Variants in FHIT observed in about 807,000 individuals in gnomAD.
The protein encoded by FHIT is bis(5'-adenosyl)-triphosphatase.
In FHIT, 19 loss-of-function variants were observed where a neutral mutation model predicts 17.9. The ratio of observed to expected loss-of-function variants is 1.06; its 90% CI spans 0.74 to 1.56. The LOEUF (loss-of-function observed/expected upper bound fraction) is 1.56, where lower values mean the gene tolerates loss of function less well. Among genes scored for constraint, FHIT ranks in the 40% most tolerant of loss-of-function variants. FHIT has a pLI of 0.00. For synonymous variants in FHIT, 81 were observed against 69.7 expected (o/e 1.16, Z -0.81); for missense variants, 248 against 189.2 (o/e 1.31, Z -1.82).
intron 5 of FHIT, among the ~76,000 whole-genome samples, chr3:60,440,280 C>A (rs2030677577): frequency 6.6e-6 from 1 of 152,058 alleles, no homozygotes; most frequent in Non-Finnish European, 1.5e-5. Context: ...TTCTCCCAAT[C>A]AGGGAAATTG....
At chr3:60,340,097 G>T (rs1365089486) in intron 5 of FHIT, among the ~76,000 whole-genome samples, 2 of 151,884 alleles carry the variant, frequency 1.3e-5, no homozygotes, top group Non-Finnish European at 2.9e-5. Context: ...TTTCTTCTCT[G>T]AACTCAGTTG....
At chr3:61,160,623 C>T (rs1452829364) in intron 2 of FHIT, among the ~76,000 whole-genome samples, 1 of 151,712 alleles carries the variant, frequency 6.6e-6, no homozygotes, top group Non-Finnish European at 1.5e-5. Flanking sequence ...GTCATGTCCT[C>T]TCATTATTTG....
chr3:60,226,493 A>AAAAAAAAAAACC (rs200934161), intron 5 of FHIT, among the ~76,000 whole-genome samples: 13 of 147,058 alleles, frequency 8.8e-5, no homozygotes, highest in African/African-American at 3.4e-4. Flanking sequence ...AAAAAAAAAA[A>AAAAAAAAAAACC]ACACTGCCTG....
chr3:61,231,723 A>G (rs1389051027), intron 1 of FHIT, among the ~76,000 whole-genome samples: 1 of 152,212 alleles, frequency 6.6e-6, no homozygotes, highest in East Asian at 1.9e-4. Flanking sequence ...TTCCCTTCAC[A>G]GAGAGTAACA....
At chr3:60,873,542 T>C (rs567274364) in intron 3 of FHIT, among the ~76,000 whole-genome samples, 1 of 152,294 alleles carries the variant, frequency 6.6e-6, no homozygotes, top group South Asian at 2.1e-4. Flanking sequence ...TCTCTCTGAA[T>C]GAAGACTATT....
At chr3:60,489,199 T>C (rs2033965062) in intron 5 of FHIT, among the ~76,000 whole-genome samples, 1 of 152,198 alleles carries the variant, frequency 6.6e-6, no homozygotes, top group Non-Finnish European at 1.5e-5. Flanking sequence ...ATAGTACCTA[T>C]TCGTTTTACT....
At position 60,575,770 on chromosome 3, in the gene FHIT, C is replaced by T. The variant is rs74477687; in HGVS notation, c.-17-38791G>A. On this transcript the variant is annotated intron_variant, in intron 4 of 9. Coordinates refer to ENST00000492590, the MANE Select transcript of FHIT (RefSeq NM_002012.4). ...TCAGAAAATAGAATTTTATGCCTTA[C>T]GGTTCACATGAAGAGTTGTGAATGA... Among the ~76,000 whole-genome samples the T allele has an allele frequency of 8.5e-5, 13 of 152,098 alleles. No individual in the cohort carries two copies. The East Asian group carries it at 1.4e-3, about 16-fold the overall frequency.
At chr3:60,522,091 C>T (rs2035390829) in intron 5 of FHIT, among the ~76,000 whole-genome samples, 3 of 147,174 alleles carry the variant, frequency 2.0e-5, no homozygotes, top group Non-Finnish European at 3.0e-5. Context: ...AAAGAAACAG[C>T]AACAGCAACC....
chr3:60,505,044 G>C (rs193041085), intron 5 of FHIT, among the ~76,000 whole-genome samples: 23 of 152,068 alleles, frequency 1.5e-4, no homozygotes, highest in African/African-American at 5.6e-4. Context: ...CAAAAGTTTT[G>C]TCAGAACTAT....
At chr3:60,310,452 G>A (rs991698515) in intron 5 of FHIT, among the ~76,000 whole-genome samples, 2 of 152,114 alleles carry the variant, frequency 1.3e-5, no homozygotes, top group Non-Finnish European at 2.9e-5. Context: ...AGAAGCAAAG[G>A]AGACAGACAA....
chr3:60,695,436 T>G (rs1176447556), intron 4 of FHIT, among the ~76,000 whole-genome samples: 1 of 152,176 alleles, frequency 6.6e-6, no homozygotes, highest in Non-Finnish European at 1.5e-5. Flanking sequence ...TGTTTTCATT[T>G]GTATGAGAAC....
At chr3:60,109,330 T>C (rs1045137335) in intron 5 of FHIT, among the ~76,000 whole-genome samples, 3 of 152,182 alleles carry the variant, frequency 2.0e-5, no homozygotes, top group African/African-American at 7.2e-5. Context: ...GTTTGAACTT[T>C]TCATGTCATC....
intron 5 of FHIT, among the ~76,000 whole-genome samples, chr3:60,385,524 A>C (rs770679027): frequency 1.5e-4 from 23 of 152,254 alleles, no homozygotes; most frequent in African/African-American, 5.1e-4. Flanking sequence ...ATCATTTTAT[A>C]TAAGTTAGTT....
At chr3:60,955,984 G>A (rs2107477363) in intron 3 of FHIT, among the ~76,000 whole-genome samples, 1 of 152,194 alleles carries the variant, frequency 6.6e-6, no homozygotes, top group Non-Finnish European at 1.5e-5. Flanking sequence ...ATCTCAATAT[G>A]GCAATTCAAG....
intron 7 of FHIT, among the ~76,000 whole-genome samples, chr3:59,932,236 G>C (rs1373134675): frequency 1.3e-5 from 2 of 152,050 alleles, no homozygotes; most frequent in East Asian, 3.9e-4. Context: ...AAAATGCTGT[G>C]ATAGGCACTG....
chr3:60,348,969 C>A (rs73107021), intron 5 of FHIT, among the ~76,000 whole-genome samples: 17,002 of 152,188 alleles, frequency 0.11, 1,230 homozygotes, highest in Non-Finnish European at 0.16. Flanking sequence ...AACCTCAGCA[C>A]ATTTGCCTAG....
At chr3:60,429,740 C>A (rs952032433) in intron 5 of FHIT, among the ~76,000 whole-genome samples, 1 of 152,042 alleles carries the variant, frequency 6.6e-6, no homozygotes, top group African/African-American at 2.4e-5. Flanking sequence ...GAGAACCCTA[C>A]ATGTAATTTT....
At chr3:60,481,701 G>A (rs971819945) in intron 5 of FHIT, among the ~76,000 whole-genome samples, 3 of 152,134 alleles carry the variant, frequency 2.0e-5, no homozygotes, top group Non-Finnish European at 2.9e-5. Flanking sequence ...GGAGAAACAA[G>A]TACCAGCTGC....
intron 8 of FHIT, among the ~76,000 whole-genome samples, chr3:59,893,135 A>G (rs1224479847): frequency 6.6e-6 from 1 of 152,238 alleles, no homozygotes; most frequent in Non-Finnish European, 1.5e-5. Context: ...TCACCTGACT[A>G]AAGTTTGGCA....
Sources: gnomAD v4.1 joint callset for allele counts (sites outside exome capture counted in the v4.1 genomes callset) on GRCh38, gnomAD v4.1.1 for gene constraint, MANE v1.5 for transcripts, NCBI Gene and HGNC (gene_info 2026-07-23, HGNC 2026-07-21) for gene names.